CACNA1D: variants seen among roughly 807,000 people sequenced by gnomAD.
The protein encoded by CACNA1D is voltage-dependent L-type calcium channel subunit alpha-1D.
A neutral mutation model predicts 257.1 loss-of-function variants in CACNA1D; 55 were observed. The ratio of observed to expected loss-of-function variants is 0.21; its 90% CI spans 0.17 to 0.27. The LOEUF (loss-of-function observed/expected upper bound fraction) is 0.27. Ranked by LOEUF, CACNA1D falls within the 10% of genes least tolerant of loss-of-function variation. The pLI, the probability that CACNA1D is intolerant of heterozygous loss-of-function variation, is 1.00. For synonymous variants in CACNA1D, 980 were observed against 1,014.9 expected, an observed-to-expected ratio of 0.97 and a Z score of 0.65; for missense variants, 1,876 against 2,784.0, an observed-to-expected ratio of 0.67 and a Z score of 7.34.
intron 3 of CACNA1D, among the ~76,000 whole-genome samples, chr3:53,524,948 C>T (rs141571959): frequency 2.3e-3 from 352 of 152,238 alleles, no homozygotes; most frequent in African/African-American, 8.1e-3. Context: ...GGAGGTTCTG[C>T]GTGGCCTGGA....
At chr3:53,779,583 C>G (rs934650954) in intron 37 of CACNA1D, among the ~76,000 whole-genome samples, 2 of 152,110 alleles carry the variant, frequency 1.3e-5, no homozygotes, top group African/African-American at 2.4e-5. Context: ...TCCTGAGAAC[C>G]AGGGGAGCCC....
chr3:53,503,814 CT>C, intron 3 of CACNA1D, among the ~76,000 whole-genome samples: 1 of 151,326 alleles, frequency 6.6e-6, no homozygotes, highest in Admixed American at 6.6e-5. Flanking sequence ...TTTGGTGGGC[CT>C]TTCTAAAAGC....
At chr3:53,762,146 C>A in intron 30 of CACNA1D, 65 bp downstream of exon 30, 1 of 995,820 alleles carries the variant, frequency 1.0e-6, no homozygotes, top group Non-Finnish European at 1.6e-6. Context: ...ATACTCCGCT[C>A]CCTGCCCTGC....
chr3:53,690,466 G>A (rs1164876317), intron 8 of CACNA1D, among the ~76,000 whole-genome samples: 1 of 152,146 alleles, frequency 6.6e-6, no homozygotes, highest in Non-Finnish European at 1.5e-5. Flanking sequence ...TTGCTGGAGG[G>A]TGGATCTCTC....
intron 44 of CACNA1D, among the ~76,000 whole-genome samples, chr3:53,804,104 A>G (rs185366207): frequency 6.6e-6 from 1 of 152,162 alleles, no homozygotes; most frequent in East Asian, 1.9e-4. Context: ...TGTTAGTACA[A>G]TGGGCACTCT....
At chr3:53,496,717 C>G (rs962474731) in intron 1 of CACNA1D, among the ~76,000 whole-genome samples, 1 of 151,876 alleles carries the variant, frequency 6.6e-6, no homozygotes, top group African/African-American at 2.4e-5. Flanking sequence ...ATTGGTACTG[C>G]CTTTTTTTTT....
intron 8 of CACNA1D, among the ~76,000 whole-genome samples, chr3:53,699,952 G>T (rs1559534954): frequency 2.0e-5 from 3 of 151,720 alleles, no homozygotes; most frequent in Non-Finnish European, 4.4e-5. Flanking sequence ...TATTTGTAAT[G>T]TTAAAAAGGC....
chr3:53,775,314 C>T (rs542600640), intron 34 of CACNA1D, among the ~76,000 whole-genome samples: 4 of 152,268 alleles, frequency 2.6e-5, no homozygotes, highest in East Asian at 1.9e-4. Flanking sequence ...CAGTGGCTCA[C>T]GCCTGTAATC....
Position 53,620,984 on chromosome 3 carries a change from A to G in CACNA1D, c.484-29795A>G, listed in dbSNP as rs111874281. Among the ~76,000 whole-genome samples, 1,451 of 152,314 alleles carry G rather than the reference A, an allele frequency of 9.5e-3. 23 individuals are homozygous for G. Among genetic ancestry groups the G allele is most frequent in the African/African-American group, 0.033 (1,387 of 41,570 alleles). On this transcript the variant is annotated intron_variant, in intron 3 of 47. Coordinates refer to ENST00000350061, the MANE Select transcript of CACNA1D (RefSeq NM_001128840.3). ...GAGGAGCACTGAGAAGGGAGCAAGA[A>G]GAGCACTTCCTAAGTGGCGAGAATA...
At chr3:53,587,754 C>T (rs925571936) in intron 3 of CACNA1D, among the ~76,000 whole-genome samples, 2 of 152,112 alleles carry the variant, frequency 1.3e-5, no homozygotes, top group African/African-American at 4.8e-5. Flanking sequence ...GATATAGCCA[C>T]GTTTGGAGTT....
intron 8 of CACNA1D, among the ~76,000 whole-genome samples, chr3:53,694,013 A>T (rs2094551555): frequency 6.6e-6 from 1 of 152,260 alleles, no homozygotes; most frequent in Admixed American, 6.5e-5. Context: ...TTCCCACAGC[A>T]AACTGCGTGT....
intron 8 of CACNA1D, among the ~76,000 whole-genome samples, chr3:53,681,176 G>T (rs181509272): frequency 1.1e-3 from 170 of 152,214 alleles, no homozygotes; most frequent in Non-Finnish European, 1.3e-3. Flanking sequence ...ATTTTCTCTG[G>T]AAAAAACAAA....
chr3:53,806,231 C>T (rs1241811171), intron 45 of CACNA1D, among the ~76,000 whole-genome samples: 3 of 143,056 alleles, frequency 2.1e-5, no homozygotes, highest in Admixed American at 1.4e-4. Context: ...CCTTCCTCTC[C>T]CTTGCCTTCC....
At chr3:53,603,524 G>GT (rs2093471103) in intron 3 of CACNA1D, among the ~76,000 whole-genome samples, 1 of 151,918 alleles carries the variant, frequency 6.6e-6, no homozygotes, top group South Asian at 2.1e-4. Context: ...TATATAGATG[G>GT]TATTACACTG....
intron 3 of CACNA1D, among the ~76,000 whole-genome samples, chr3:53,600,002 A>C (rs535684733): frequency 6.6e-6 from 1 of 152,266 alleles, no homozygotes; most frequent in Non-Finnish European, 1.5e-5. Flanking sequence ...TTACCCAAGC[A>C]TGGAAGAAAT....
intron 3 of CACNA1D, among the ~76,000 whole-genome samples, chr3:53,646,582 C>G (rs149241472): frequency 6.6e-6 from 1 of 152,096 alleles, no homozygotes; most frequent in Non-Finnish European, 1.5e-5. Flanking sequence ...ATAGAGAATC[C>G]AGGACTGCAG....
chr3:53,584,162 TTGTC>T lies in CACNA1D; in HGVS notation c.484-66611_484-66608del, dbSNP rs3841965. Among the ~76,000 whole-genome samples, 85 of 152,274 alleles carry T rather than the reference TTGTC, an allele frequency of 5.6e-4. 1 individual carries two copies. In the East Asian group the frequency reaches 0.015, roughly 27 times the overall value. On this transcript the variant is annotated intron_variant, in intron 3 of 47. Transcript: ENST00000350061. ...TCTCTTTCATTCAGTAGCTCATGGATTGTCTGTCTATCTGGGCCATTCTCATTCA... is the reference window on the plus strand; with the variant it reads ...TCTCTTTCATTCAGTAGCTCATGGATTGTCTATCTGGGCCATTCTCATTCA...
At chr3:53,696,558 G>A (rs1198063373) in intron 8 of CACNA1D, among the ~76,000 whole-genome samples, 1 of 152,154 alleles carries the variant, frequency 6.6e-6, no homozygotes, top group Non-Finnish European at 1.5e-5. Context: ...TTCATGTTTT[G>A]GTGCTCAATG....
At chr3:53,510,288 C>A (rs1166906408) in intron 3 of CACNA1D, among the ~76,000 whole-genome samples, 1 of 152,126 alleles carries the variant, frequency 6.6e-6, no homozygotes, top group Non-Finnish European at 1.5e-5. Context: ...AACATAAATA[C>A]AGTTTGAGTA....
Sources: allele counts gnomAD v4.1 joint callset (sites outside exome capture counted in the v4.1 genomes callset), GRCh38; gene constraint gnomAD v4.1.1; transcripts MANE v1.5; gene names NCBI Gene and HGNC (gene_info 2026-07-23, HGNC 2026-07-21).